NSD2: variants seen among roughly 807,000 people sequenced by gnomAD.
NSD2 encodes the protein histone-lysine N-methyltransferase NSD2.
In NSD2, 12 loss-of-function variants were observed where a neutral mutation model predicts 139.0. The ratio of observed to expected loss-of-function variants is 0.09; its 90% CI spans 0.06 to 0.14. NSD2 has a LOEUF of 0.14. Among genes scored for constraint, NSD2 ranks in the 10% least tolerant of loss-of-function variants. The pLI is 1.00. For synonymous variants in NSD2, 669 were observed against 648.7 expected, an observed-to-expected ratio of 1.03 and a Z score of -0.48; for missense variants, 1,155 against 1,745.0, an observed-to-expected ratio of 0.66 and a Z score of 6.02.
At chr4:1,952,792 AG>A (rs1724414266) in intron 11 of NSD2, 1 of 1,146,686 alleles carries the variant, frequency 8.7e-7, no homozygotes, top group Non-Finnish European at 1.1e-6. Context: ...GGATGATGAG[AG>A]GACACCTGCA....
chr4:1,957,272 ATGTTTTTTTGTTTT>A (rs1724918365), intron 15 of NSD2, among the ~76,000 whole-genome samples: 1 of 148,828 alleles, frequency 6.7e-6, no homozygotes, highest in African/African-American at 2.5e-5. Flanking sequence ...GCTCAGCTGC[ATGTTTTTTTGTTTT>A]TGTTTTTTTT....
rs185083960 is a variant in NSD2 at position 1,909,269 on chromosome 4, C to T, written c.760+4891C>T. Among the ~76,000 whole-genome samples the T allele has an allele frequency of 2.2e-3, 335 of 152,148 alleles. 1 individual carries two copies. The highest frequency in any genetic ancestry group is 1.1e-3 in the Non-Finnish European group (78 of 68,012). On this transcript the variant is annotated intron_variant, in intron 3 of 21. Transcript: ENST00000508803. ...TGTACTGTTTTTCCCACCACCCCCC[C>T]CAACCCTAGCATCAGCCGTTTCTCA...
intron 6 of NSD2, among the ~76,000 whole-genome samples, chr4:1,932,439 CAAAAAAAAAAAA>C (rs776037394): frequency 1.5e-5 from 1 of 65,394 alleles, no homozygotes; most frequent in Non-Finnish European, 3.4e-5. Flanking sequence ...AGTCAATCTC[CAAAAAAAAAAAA>C]AAAAAAAAAT....
chr4:1,889,612 C>T (rs1007386467), intron 1 of NSD2, among the ~76,000 whole-genome samples: 27 of 152,066 alleles, frequency 1.8e-4, no homozygotes, highest in African/African-American at 6.5e-4. Flanking sequence ...AGCGATTCTC[C>T]TTCCTCAGCC....
At position 1,956,147 on chromosome 4, in the gene NSD2, G is replaced by A. The variant is rs1157864395; in HGVS notation, c.2840G>A (p.Arg947His). ...FPYMEGDRGS[R>H]YQGVRGIGRV... is the part of the protein sequence containing the mutation. ...TACATGGAGGGGGACCGGGGCAGCCGCTACCAGGGGGTCAGAGGGATCGGA... is the reference window on the plus strand; with the variant it reads ...TACATGGAGGGGGACCGGGGCAGCCACTACCAGGGGGTCAGAGGGATCGGA... The change falls in exon 15 of 22, where the codon CGC becomes CAC. Residue 947 changes from arginine to histidine, a missense_variant. Transcript: ENST00000508803. This position sits in a 1 kb window ranked among gnomAD's most constrained non-coding sequence, Gnocchi z 5.3. 2.5e-6 allele frequency: 4 copies of A among 1,613,858 alleles called. No homozygotes were observed. Among genetic ancestry groups the A allele is most frequent in the Non-Finnish European group, 2.5e-6 (3 of 1,179,950 alleles).
chr4:1,955,684 C>T lies in NSD2; in HGVS notation c.2519-9C>T, dbSNP rs1369004952. ...GGCTAAGCCTGGCCGCCTCGCCCTCCTCTTGCAGGGGGGAGCCTTCTGTGC... is the reference window on the plus strand; with the variant it reads ...GGCTAAGCCTGGCCGCCTCGCCCTCTTCTTGCAGGGGGGAGCCTTCTGTGC... On this transcript the variant is annotated splice_polypyrimidine_tract_variant and intron_variant, in intron 13 of 21. Transcript: ENST00000508803. This position sits in a 1 kb window ranked among gnomAD's most constrained non-coding sequence, Gnocchi z 4.7. The T allele has an allele frequency of 1.2e-6, 2 of 1,610,302 alleles. No homozygotes were observed. Among genetic ancestry groups the T allele is most frequent in the Non-Finnish European group, 1.7e-6 (2 of 1,177,722 alleles).
chr4:1,873,599 C>A (rs1424188841), intron 1 of NSD2, among the ~76,000 whole-genome samples: 1 of 152,192 alleles, frequency 6.6e-6, no homozygotes, highest in Non-Finnish European at 1.5e-5. Flanking sequence ...TCCTCCTAAT[C>A]CTGTGGGGCT....
intron 1 of NSD2, among the ~76,000 whole-genome samples, chr4:1,881,958 G>A (rs1321794053): frequency 6.6e-6 from 1 of 152,184 alleles, no homozygotes; most frequent in Non-Finnish European, 1.5e-5. Context: ...GCAGGAAGAA[G>A]CTGGTGTGGC....
chr4:1,927,719 G>GA (rs1177170379), intron 5 of NSD2, among the ~76,000 whole-genome samples: 1,003 of 18,912 alleles, frequency 0.053, 282 homozygotes, highest in Middle Eastern at 0.11. Flanking sequence ...TCTTATCTCA[G>GA]AAAAAAAAAA....
rs781255847 is a variant in NSD2, at chr4:1,915,111, C to CTTTTT, written c.761-1742_761-1738dup. 4.0e-4 allele frequency among the ~76,000 whole-genome samples: 46 copies of CTTTTT among 115,530 alleles called. 1 individual carries two copies. Among genetic ancestry groups the CTTTTT allele is most frequent in the African/African-American group, 1.0e-3 (29 of 28,434 alleles). 75.8% of individuals were successfully genotyped at this position (115,530 alleles called of 152,430 possible). On this transcript the variant is annotated intron_variant, in intron 3 of 21. Transcript: ENST00000508803. The stretch of plus-strand genomic sequence containing the variant: ...CTTGTTGAATTTTTTCTTTTTTTCT[C>CTTTTT]TTTTTTTTTTTTTTTTTTTTTTGAG...
At chr4:1,897,681 C>T (rs577680848) in intron 1 of NSD2, among the ~76,000 whole-genome samples, 13 of 152,188 alleles carry the variant, frequency 8.5e-5, no homozygotes, top group Admixed American at 2.0e-4. Context: ...GGCTGGAGTG[C>T]AGTGGCGTGG....
At chr4:1,925,513 C>T (rs1376992357) in intron 5 of NSD2, among the ~76,000 whole-genome samples, 1 of 147,526 alleles carries the variant, frequency 6.8e-6, no homozygotes, top group Non-Finnish European at 1.5e-5. Context: ...ATTCTCCTGC[C>T]TCAGCCTCCC....
intron 9 of NSD2, chr4:1,941,522 G>A (rs2108904182): frequency 9.6e-7 from 1 of 1,043,502 alleles, no homozygotes. Context: ...AGAAGACATA[G>A]ATGAAGCATT....
intron 19 of NSD2, 55 bp downstream of exon 19, chr4:1,975,059 A>G: frequency 6.2e-7 from 1 of 1,611,314 alleles, no homozygotes; most frequent in Non-Finnish European, 8.5e-7. Flanking sequence ...CAGAGTGGCC[A>G]TCGCTGAGGG....
intron 1 of NSD2, among the ~76,000 whole-genome samples, chr4:1,888,471 C>CA (rs1715285949): frequency 6.7e-6 from 1 of 149,930 alleles, no homozygotes; most frequent in African/African-American, 2.5e-5. Context: ...CTGTGCATAT[C>CA]CTCAGCTGAT....
chr4:1,942,759 A>C lies in NSD2; in HGVS notation c.1881+2981A>C. The C allele has an allele frequency of 9.2e-7, 1 of 1,085,036 alleles. No homozygotes were observed. The highest frequency in any genetic ancestry group is 1.1e-6 in the Non-Finnish European group (1 of 890,668). 67.2% of individuals were successfully genotyped at this position (1,085,036 alleles called of 1,614,324 possible). On this transcript the variant is annotated intron_variant, in intron 9 of 21. Transcript: ENST00000508803. The surrounding 1 kb of genome is among the most constrained non-coding windows in gnomAD (Gnocchi z 4.0). ...TTGCTTCTCCTCTAGTTTGTAACTT[A>C]CTGGACTTTTGTGGAAAATATCAGC...
At chr4:1,977,723 C>T (rs376187371) in intron 21 of NSD2, among the ~76,000 whole-genome samples, 14 of 151,480 alleles carry the variant, frequency 9.2e-5, no homozygotes, top group East Asian at 3.9e-4. Flanking sequence ...TTGCAGTGAG[C>T]CAAGATTGCA....
rs375620630 is a variant in NSD2, at chr4:1,951,101, G to A, written c.1911G>A (p.Ser637=). Residue 637 remains serine (S), a synonymous_variant, in exon 10 of 22, where the codon TCG becomes TCA. Transcript: ENST00000508803. ...CGGACAGCCCGGGAGACGAGCCCTC[G>A]GAGTCCCCATACGAAAGTGCAGACG... The part of the protein sequence containing the change: ...EVSDSPGDEP[S]ESPYESADET... The A allele has an allele frequency of 1.2e-5, 20 of 1,614,006 alleles. 1 individual carries two copies. The highest frequency in any genetic ancestry group is 1.1e-4 in the South Asian group (10 of 91,082).
intron 1 of NSD2, among the ~76,000 whole-genome samples, chr4:1,883,356 G>A (rs1714844668): frequency 6.6e-6 from 1 of 151,676 alleles, no homozygotes; most frequent in African/African-American, 2.4e-5. Context: ...GCAGGGCTGG[G>A]CGCAGTGGCT....
Sources: gnomAD v4.1 joint callset for allele counts (sites outside exome capture counted in the v4.1 genomes callset) on GRCh38, gnomAD v4.1.1 for gene constraint, Gnocchi (gnomAD v3.1) non-coding constraint, MANE v1.5 for transcripts, NCBI Gene and HGNC (gene_info 2026-07-23, HGNC 2026-07-21) for gene names.